XRN2: variants seen among roughly 807,000 people sequenced by gnomAD.
XRN2 encodes the protein 5'-3' exoribonuclease 2, also known as DHM1-like protein.
Under a neutral mutation model 138.5 loss-of-function variants are expected in XRN2, and 44 were observed. The observed-to-expected ratio is 0.32, with a 90% confidence interval of 0.25 to 0.41. The LOEUF (loss-of-function observed/expected upper bound fraction) is 0.41. Among genes scored for constraint, XRN2 ranks in the 10% least tolerant of loss-of-function variants. The probability of loss-of-function intolerance (pLI) is 1.00; values close to 1 mark genes in which losing one functional copy is unlikely to be tolerated. For synonymous variants in XRN2, 354 were observed against 369.4 expected (o/e 0.96, Z 0.48); for missense variants, 937 against 1,169.3 (o/e 0.80, Z 2.90).
In XRN2 at chr20:21,332,388, T is replaced by A. The variant is rs762901960; in HGVS notation, c.806T>A (p.Phe269Tyr). 6.2e-7 allele frequency: 1 copy of A among 1,613,710 alleles called. No individual in the cohort carries two copies. Residue 269 changes from phenylalanine (F) to tyrosine (Y), a missense_variant, in exon 9 of 30, where the codon TTT (phenylalanine) becomes TAT (tyrosine). Around this residue, in one of 6 missense-constraint regions of XRN2, gnomAD observed 471 missense variants for 581.2 expected, o/e 0.81. Coordinates refer to ENST00000377191, the MANE Select transcript of XRN2 (RefSeq NM_012255.5). ...AAACCATGTGGTCTTTGTAATCAGT[T>A]TGGACATGAGGTCAAAGATTGTGAA... ...KPKPCGLCNQFGHEVKDCEGL... is the reference protein window; with the variant it reads ...KPKPCGLCNQYGHEVKDCEGL...
intron 4 of XRN2, among the ~76,000 whole-genome samples, chr20:21,330,233 G>A (rs941849254): frequency 7.2e-5 from 11 of 152,088 alleles, no homozygotes; most frequent in Non-Finnish European, 1.3e-4. Context: ...GCAGTGAGCC[G>A]AGATTGCACC....
chr20:21,358,648 C>G (rs2038602629), intron 24 of XRN2, among the ~76,000 whole-genome samples: 1 of 152,124 alleles, frequency 6.6e-6, no homozygotes, highest in East Asian at 1.9e-4. Context: ...TATTTCCTAT[C>G]TTAAATGGAT....
At chr20:21,373,659 CTTTTAGCTA>C (rs1234678611) in intron 27 of XRN2, among the ~76,000 whole-genome samples, 3 of 152,208 alleles carry the variant, frequency 2.0e-5, no homozygotes, top group Non-Finnish European at 1.5e-5. Context: ...AGTCTTTGCA[CTTTTAGCTA>C]TTTGACTAAG....
intron 24 of XRN2, among the ~76,000 whole-genome samples, chr20:21,362,404 T>C (rs1028123273): frequency 2.0e-5 from 3 of 152,164 alleles, no homozygotes; most frequent in East Asian, 1.9e-4. Context: ...TTCAGGTCTT[T>C]CTGTGCATGA....
Position 21,333,870 on chromosome 20 carries a change from GT to G in XRN2, c.1067+37del, listed in dbSNP as rs768954458. ...CATTTGTGTAGCTTTTCAAACGACT[GT>G]TTTAGGCTTCTTGACTTTACTGTGC... On this transcript the variant is annotated intron_variant, in intron 11 of 29. Coordinates refer to ENST00000377191, the MANE Select transcript of XRN2 (RefSeq NM_012255.5). 10 of 1,613,958 alleles carry G rather than the reference GT, an allele frequency of 6.2e-6. No individual in the cohort carries two copies. In the Admixed American group the frequency reaches 8.3e-5, roughly 13 times the overall value.
At chr20:21,340,426 G>A (rs1049199830) in intron 14 of XRN2, among the ~76,000 whole-genome samples, 3 of 152,048 alleles carry the variant, frequency 2.0e-5, no homozygotes, top group Non-Finnish European at 4.4e-5. Context: ...ATTATAAAAA[G>A]CAGTGGGTTA....
chr20:21,324,776 C>T lies in XRN2; in HGVS notation c.76-1503C>T, dbSNP rs569509879. Reference sequence around the variant, plus strand: ...AGCTTCCGAAGTAGCTGAGACTACCCGCACATACCACCATACCTGATTTTA... The same window carrying T: ...AGCTTCCGAAGTAGCTGAGACTACCTGCACATACCACCATACCTGATTTTA... On this transcript the variant is annotated intron_variant, in intron 1 of 29. Transcript: ENST00000377191. Among the ~76,000 whole-genome samples, 16 of 152,242 alleles carry T rather than the reference C, an allele frequency of 1.1e-4. No homozygotes were observed. In the East Asian group the frequency reaches 1.2e-3, roughly 11 times the overall value.
At chr20:21,328,470 C>A in intron 3 of XRN2, 89 bp from the exon 4 acceptor site, 1 of 1,275,260 alleles carries the variant, frequency 7.8e-7, no homozygotes, top group South Asian at 1.4e-5. Context: ...TAGTGTACTG[C>A]TTTTATAAGA....
At chr20:21,315,047 A>G (rs918445116) in intron 1 of XRN2, among the ~76,000 whole-genome samples, 2 of 152,164 alleles carry the variant, frequency 1.3e-5, no homozygotes, top group African/African-American at 2.4e-5. Flanking sequence ...TATACACCTC[A>G]GGGTTTATGT....
At chr20:21,320,105 TTC>T (rs1406815603) in intron 1 of XRN2, among the ~76,000 whole-genome samples, 2 of 152,136 alleles carry the variant, frequency 1.3e-5, no homozygotes, top group African/African-American at 4.8e-5. Flanking sequence ...TTAGCAATAA[TTC>T]TCTCAGCTTT....
chr20:21,320,915 C>T (rs901993128), intron 1 of XRN2, among the ~76,000 whole-genome samples: 1 of 152,182 alleles, frequency 6.6e-6, no homozygotes, highest in Non-Finnish European at 1.5e-5. Context: ...ATCTTAATCC[C>T]GAGTTTTCTT....
chr20:21,355,019 G>T, intron 21 of XRN2, 147 bp downstream of exon 21: 1 of 574,156 alleles, frequency 1.7e-6, no homozygotes, highest in East Asian at 3.2e-5. Context: ...TACAGACGTT[G>T]ACTTTGCTTC....
intron 27 of XRN2, among the ~76,000 whole-genome samples, chr20:21,379,027 A>T (rs6132420): frequency 1.3e-5 from 2 of 152,098 alleles, no homozygotes; most frequent in African/African-American, 4.8e-5. Flanking sequence ...AAACTTGTCA[A>T]TTAGCCACGT....
intron 26 of XRN2, among the ~76,000 whole-genome samples, chr20:21,367,634 T>C (rs1335081284): frequency 6.6e-6 from 1 of 152,160 alleles, no homozygotes; most frequent in Admixed American, 6.5e-5. Context: ...CTTAAAATTA[T>C]GAAGTTATGA....
At chr20:21,373,549 A>T (rs1159627242) in intron 27 of XRN2, among the ~76,000 whole-genome samples, 1 of 152,228 alleles carries the variant, frequency 6.6e-6, no homozygotes, top group Non-Finnish European at 1.5e-5. Flanking sequence ...AGTGCCAGAC[A>T]CATTTTCCAA....
chr20:21,329,050 C>G (rs1889946489), intron 4 of XRN2, among the ~76,000 whole-genome samples: 1 of 152,150 alleles, frequency 6.6e-6, no homozygotes, highest in South Asian at 2.1e-4. Context: ...TAAACATTTT[C>G]CTCAAATCAG....
intron 24 of XRN2, among the ~76,000 whole-genome samples, chr20:21,360,795 G>C (rs1369826127): frequency 6.6e-6 from 1 of 152,172 alleles, no homozygotes; most frequent in Non-Finnish European, 1.5e-5. Context: ...CATGCAGTCA[G>C]CAGTGGATTT....
chr20:21,384,066 G>C (rs902781065), intron 28 of XRN2, among the ~76,000 whole-genome samples: 1 of 151,972 alleles, frequency 6.6e-6, no homozygotes, highest in Admixed American at 6.6e-5. Context: ...TTATTACATT[G>C]CATTTCTTGA....
At chr20:21,361,167 G>A (rs968323001) in intron 24 of XRN2, among the ~76,000 whole-genome samples, 5 of 152,192 alleles carry the variant, frequency 3.3e-5, no homozygotes, top group Non-Finnish European at 5.9e-5. Context: ...CTTTGCTACA[G>A]TATTTTCTTC....
Sources: allele counts gnomAD v4.1 joint callset (sites outside exome capture counted in the v4.1 genomes callset), GRCh38; gene constraint gnomAD v4.1.1; regional missense constraint gnomAD v4.1.1; transcripts MANE v1.5; gene names NCBI Gene and HGNC (gene_info 2026-07-23, HGNC 2026-07-21).